Variants in TTC28 observed in about 807,000 individuals in gnomAD.
TTC28 encodes the protein tetratricopeptide repeat domain 28, also known as tetratricopeptide repeat protein 28.
A neutral mutation model predicts 198.0 loss-of-function variants in TTC28; 61 were observed. That is an observed-to-expected ratio of 0.31 (90% CI 0.25 to 0.38). TTC28 has a LOEUF of 0.38. TTC28 is among the 10% of genes least tolerant of loss of function. The pLI is 1.00. For synonymous variants in TTC28, 1,171 were observed against 1,297.8 expected (o/e 0.90, Z 2.10); for missense variants, 2,678 against 3,164.0 (o/e 0.85, Z 3.69).
At chr22:28,436,579 A>G (rs1386892266) in intron 2 of TTC28, among the ~76,000 whole-genome samples, 1 of 152,262 alleles carries the variant, frequency 6.6e-6, no homozygotes, top group African/African-American at 2.4e-5. Flanking sequence ...GAAAGGGGAA[A>G]GAAACTTAGT....
In TTC28 at chr22:28,108,036, G is replaced by A; in HGVS notation, c.1809C>T (p.Phe603=). 6.4e-7 allele frequency: 1 copy of A among 1,551,640 alleles called. No individual in the cohort carries two copies. Residue 603 remains phenylalanine (F), a synonymous_variant, in exon 7 of 23, where the codon TTC becomes TTT. Coordinates refer to ENST00000397906, the MANE Select transcript of TTC28 (RefSeq NM_001145418.2). Reference sequence around the variant, plus strand: ...GGACATACTCTCCCCGAGAGCAGTGGAAATTGCCCAGGTTGCTGAGGGCCC... The same window carrying A: ...GGACATACTCTCCCCGAGAGCAGTGAAAATTGCCCAGGTTGCTGAGGGCCC... ...EARALSNLGN[F]HCSRGEYVQA... is the part of the protein sequence containing the mutation.
In TTC28 at chr22:28,032,220, A is replaced by AATATATATATATAAAATAT. The variant is rs1359953698; in HGVS notation, c.3933-1873_3933-1855dup. Reference sequence around the variant, plus strand: ...ATATATATAAAATATATATATATAAAATATATATATATAAAATATATATAT... The same window carrying AATATATATATATAAAATAT: ...ATATATATAAAATATATATATATAAAATATATATATATAAAATATATATATATATATAAAATATATATAT... On this transcript the variant is annotated intron_variant, in intron 12 of 22. Coordinates refer to ENST00000397906, the MANE Select transcript of TTC28 (RefSeq NM_001145418.2). Among the ~76,000 whole-genome samples, 356 of 107,208 alleles carry AATATATATATATAAAATAT rather than the reference A, an allele frequency of 3.3e-3. 4 individuals carry two copies. Among genetic ancestry groups the AATATATATATATAAAATAT allele is most frequent in the African/African-American group, 0.013 (319 of 24,238 alleles). The allele number at this position is 107,208 out of a possible 152,430, so 70.3% of individuals were successfully genotyped here. A position where few individuals can be genotyped will look rare whatever the true frequency, so the allele number is the denominator to read the frequency against.
chr22:28,629,561 C>T lies in TTC28; in HGVS notation c.372G>A (p.Lys124=), dbSNP rs2146205042. 1 of 1,549,022 alleles carries T rather than the reference C, an allele frequency of 6.5e-7. No homozygotes were observed. Among genetic ancestry groups the T allele is most frequent in the Non-Finnish European group, 8.7e-7 (1 of 1,145,524 alleles). The change falls in exon 2 of 23, where the codon AAG becomes AAA. Residue 124 remains lysine, a synonymous_variant. Coordinates refer to ENST00000397906, the MANE Select transcript of TTC28 (RefSeq NM_001145418.2). ...AGGTAAAAATTTCTACCTTTGGCCA[C>T]TTGGGATTGAGAAGTCGAGCTTTGA... ...DAIKARLLNP[K]WPKAYFRQGV... is the part of the protein sequence containing the mutation.
Position 28,014,343 on chromosome 22 carries a change from G to T in TTC28, c.4123C>A (p.Gln1375Lys). Reference protein sequence around the residue: ...SLFSNTVSPTQDGTSSLPRRQ... With the variant: ...SLFSNTVSPTKDGTSSLPRRQ... ...CTGGGAAGAGAGGAGGTCCCGTCCT[G>T]GGTCGGTGACACAGTGTTACTGAAC... The change falls in exon 14 of 23, where the codon CAG becomes AAG. Residue 1375 changes from glutamine to lysine, a missense_variant. Around this residue, in one of 8 missense-constraint regions of TTC28, gnomAD observed 727 missense variants for 861.9 expected, o/e 0.84. Coordinates refer to ENST00000397906, the MANE Select transcript of TTC28 (RefSeq NM_001145418.2). 1.3e-6 allele frequency: 2 copies of T among 1,551,628 alleles called. No homozygotes were observed. The highest frequency in any genetic ancestry group is 1.7e-6 in the Non-Finnish European group (2 of 1,146,970).
chr22:28,289,371 T>C (rs545504862), intron 5 of TTC28, among the ~76,000 whole-genome samples: 1 of 152,340 alleles, frequency 6.6e-6, no homozygotes, highest in South Asian at 2.1e-4. Flanking sequence ...TCTAATCCTA[T>C]GTAATTTATG....
intron 1 of TTC28, among the ~76,000 whole-genome samples, chr22:28,635,059 C>T (rs185670488): frequency 2.9e-4 from 44 of 152,196 alleles, no homozygotes; most frequent in Admixed American, 1.9e-3. Context: ...CGGTGGCTCA[C>T]GCCTGTAATC....
chr22:28,227,552 T>TG (rs879860433), intron 5 of TTC28, among the ~76,000 whole-genome samples: 1 of 152,192 alleles, frequency 6.6e-6, no homozygotes, highest in Non-Finnish European at 1.5e-5. Context: ...AAAATGGACT[T>TG]GGAACTTGAA....
At chr22:28,437,944 G>A (rs889859098) in intron 2 of TTC28, among the ~76,000 whole-genome samples, 2 of 152,080 alleles carry the variant, frequency 1.3e-5, no homozygotes, top group African/African-American at 4.8e-5. Flanking sequence ...TAACAGTGGG[G>A]AGTCAAATGT....
At chr22:28,016,078 A>C (rs549965308) in intron 13 of TTC28, among the ~76,000 whole-genome samples, 1 of 152,228 alleles carries the variant, frequency 6.6e-6, no homozygotes, top group East Asian at 1.9e-4. Context: ...TGCCAAGCCA[A>C]GCTCTCAGCA....
At chr22:28,009,515 G>A (rs1938056101) in intron 14 of TTC28, among the ~76,000 whole-genome samples, 1 of 152,190 alleles carries the variant, frequency 6.6e-6, no homozygotes, top group South Asian at 2.1e-4. Flanking sequence ...GCCCTCTTGT[G>A]GCCTCTGGAG....
chr22:28,323,602 G>A (rs1430329239), intron 2 of TTC28, among the ~76,000 whole-genome samples: 1 of 152,142 alleles, frequency 6.6e-6, no homozygotes, highest in Non-Finnish European at 1.5e-5. Flanking sequence ...AAACAATGAA[G>A]TGGGCTTACA....
chr22:28,352,629 C>A (rs138551095), intron 2 of TTC28, among the ~76,000 whole-genome samples: 13 of 152,052 alleles, frequency 8.5e-5, no homozygotes, highest in African/African-American at 2.9e-4. Flanking sequence ...CCCACTGATA[C>A]CCCCTCAGCA....
At position 28,516,769 on chromosome 22, in the gene TTC28, AC is replaced by A. The variant is rs1177979772; in HGVS notation, c.381+112782del. Among the ~76,000 whole-genome samples the A allele has an allele frequency of 5.3e-5, 8 of 152,192 alleles. No homozygotes were observed. In the South Asian group the frequency reaches 1.4e-3, roughly 28 times the overall value. On this transcript the variant is annotated intron_variant, in intron 2 of 22. Transcript: ENST00000397906. ...GAACTTAAAGTATAATAAAAAAAAA[AC>A]AAGAATACTCATCATCACAAAAAAT...
At chr22:28,536,453 T>C (rs2049280897) in intron 2 of TTC28, among the ~76,000 whole-genome samples, 2 of 151,592 alleles carry the variant, frequency 1.3e-5, no homozygotes, top group African/African-American at 4.8e-5. Flanking sequence ...TGAAACCCCG[T>C]CTCTACTAAA....
Position 28,108,112 on chromosome 22 carries a change from T to C in TTC28, c.1733A>G (p.Gln578Arg). Residue 578 changes from glutamine to arginine, a missense_variant, in exon 7 of 23, where the codon CAG becomes CGG. By Grantham distance (43) the Gln-to-Arg change is conservative. Around this residue, in one of 8 missense-constraint regions of TTC28, gnomAD observed 775 missense variants for 845.9 expected, o/e 0.92. Transcript: ENST00000397906. ...GAHDRALQHY[Q>R]NHLNIARELR... Reference sequence around the variant, plus strand: ...CTCCCGGGCGATGTTCAAGTGGTTCTGATAGTGTTGCAGGGCCCGGTCATG... The same window carrying C: ...CTCCCGGGCGATGTTCAAGTGGTTCCGATAGTGTTGCAGGGCCCGGTCATG... 1 of 1,551,678 alleles carries C rather than the reference T, an allele frequency of 6.4e-7. No homozygotes were observed. The highest frequency in any genetic ancestry group is 8.7e-7 in the Non-Finnish European group (1 of 1,146,986).
intron 1 of TTC28, among the ~76,000 whole-genome samples, chr22:28,677,185 T>A (rs375501570): frequency 0.038 from 3,693 of 97,494 alleles, 106 homozygotes; most frequent in South Asian, 0.067. Flanking sequence ...AATATATATA[T>A]ATATATATAT....
intron 2 of TTC28, among the ~76,000 whole-genome samples, chr22:28,357,319 T>TTA (rs2046093142): frequency 6.9e-6 from 1 of 145,684 alleles, no homozygotes; most frequent in African/African-American, 2.5e-5. Context: ...TTTCTTATTT[T>TTA]TTTTTTTTTT....
intron 2 of TTC28, among the ~76,000 whole-genome samples, chr22:28,509,684 G>A (rs2048661860): frequency 6.6e-6 from 1 of 151,928 alleles, no homozygotes. Context: ...ACTAAGATCA[G>A]AGTGGAACTA....
chr22:28,226,280 T>C (rs1338905574), intron 5 of TTC28, among the ~76,000 whole-genome samples: 5 of 152,220 alleles, frequency 3.3e-5, no homozygotes, highest in Admixed American at 1.3e-4. Context: ...GAGTTCTAGT[T>C]CTTCCATATC....
Sources: gnomAD v4.1 joint callset for allele counts (sites outside exome capture counted in the v4.1 genomes callset) on GRCh38, gnomAD v4.1.1 for gene constraint, gnomAD v4.1.1 regional missense constraint, MANE v1.5 for transcripts, NCBI Gene and HGNC (gene_info 2026-07-23, HGNC 2026-07-21) for gene names.